The following ADAM23 variants were observed in gnomAD, a reference collection of about 807,000 sequenced individuals.
The protein encoded by ADAM23 is ADAM metallopeptidase domain 23, also known as disintegrin and metalloproteinase domain-containing protein 23.
ADAM23 carries 33 observed loss-of-function variants against 120.1 expected under a neutral mutation model. That is an observed-to-expected ratio of 0.27 (90% CI 0.21 to 0.37). The LOEUF is 0.37. ADAM23 is among the 10% of genes least tolerant of loss of function. The pLI is 1.00. For synonymous variants in ADAM23, 367 were observed against 375.2 expected (o/e 0.98, Z 0.25); for missense variants, 862 against 1,058.2 (o/e 0.81, Z 2.57).
At position 206,503,412 on chromosome 2, in the gene ADAM23, T is replaced by C. The variant is rs145136373; in HGVS notation, c.509+22104T>C. Among the ~76,000 whole-genome samples, 33 of 152,258 alleles carry C rather than the reference T, an allele frequency of 2.2e-4. No homozygotes were observed. In the East Asian group the frequency reaches 6.2e-3, roughly 28 times the overall value. On this transcript the variant is annotated intron_variant, in intron 3 of 25. Coordinates refer to ENST00000264377, the MANE Select transcript of ADAM23 (RefSeq NM_003812.4). ...AAAAAGAAATACATTGCTTATCAGC[T>C]CCTAAAACTAGGCCTGACACAAGGT...
chr2:206,484,993 G>A (rs1321198135), intron 3 of ADAM23, among the ~76,000 whole-genome samples: 1 of 152,116 alleles, frequency 6.6e-6, no homozygotes, highest in Non-Finnish European at 1.5e-5. Context: ...TAATTATAAG[G>A]CATCCCCAGC....
rs568990339 is a variant in ADAM23 at position 206,477,334 on chromosome 2, G to A, written c.433-3898G>A. Among the ~76,000 whole-genome samples the A allele has an allele frequency of 5.9e-5, 9 of 152,258 alleles. No individual in the cohort carries two copies. In the East Asian group the frequency reaches 9.6e-4, roughly 16 times the overall value. ...TTTGTGTATATAATTGAGTTTAATT[G>A]TTTTTCTTTTCAGAGCTCCTGTAAT... On this transcript the variant is annotated intron_variant, in intron 2 of 25. Transcript: ENST00000264377.
intron 2 of ADAM23, among the ~76,000 whole-genome samples, chr2:206,458,174 T>G (rs139001108): frequency 0.035 from 2,840 of 81,308 alleles, 33 homozygotes; most frequent in Middle Eastern, 0.063. Context: ...TTACCAACTA[T>G]CTGGAACTGG....
intron 3 of ADAM23, among the ~76,000 whole-genome samples, chr2:206,524,988 G>A (rs998571328): frequency 2.0e-5 from 3 of 152,160 alleles, no homozygotes; most frequent in African/African-American, 4.8e-5. Context: ...AGAACTCGAT[G>A]TGTATACCTT....
chr2:206,469,182 A>G (rs897602842), intron 2 of ADAM23, among the ~76,000 whole-genome samples: 4 of 152,200 alleles, frequency 2.6e-5, no homozygotes, highest in South Asian at 2.1e-4. Context: ...TATTCTTTAT[A>G]TCTAACTGCC....
chr2:206,473,212 T>C lies in ADAM23; in HGVS notation c.433-8020T>C, dbSNP rs79273009. Among the ~76,000 whole-genome samples the C allele has an allele frequency of 7.9e-5, 12 of 152,322 alleles. No individual in the cohort carries two copies. In the East Asian group the frequency reaches 2.1e-3, roughly 27 times the overall value. ...ACTTTAAAAGCATGTTTCTTAAGCA[T>C]TTATTTGTTAGCAAATACTTATTAA... On this transcript the variant is annotated intron_variant, in intron 2 of 25. Transcript: ENST00000264377.
intron 3 of ADAM23, among the ~76,000 whole-genome samples, chr2:206,514,935 G>C (rs577893509): frequency 6.6e-6 from 1 of 152,262 alleles, no homozygotes; most frequent in South Asian, 2.1e-4. Flanking sequence ...TAATAGACTA[G>C]AGTACAGTAT....
intron 3 of ADAM23, among the ~76,000 whole-genome samples, chr2:206,502,787 A>G (rs946168789): frequency 3.3e-5 from 5 of 152,146 alleles, no homozygotes; most frequent in African/African-American, 9.6e-5. Flanking sequence ...TGGACATGTA[A>G]TTTTATTTAC....
At chr2:206,533,637 C>T (rs1451232345) in intron 4 of ADAM23, among the ~76,000 whole-genome samples, 1 of 152,230 alleles carries the variant, frequency 6.6e-6, no homozygotes, top group African/African-American at 2.4e-5. Flanking sequence ...ATATTGACAG[C>T]ATCCCAGGAA....
chr2:206,452,370 A>G (rs928903369), intron 2 of ADAM23, among the ~76,000 whole-genome samples: 1 of 152,252 alleles, frequency 6.6e-6, no homozygotes, highest in Non-Finnish European at 1.5e-5. Flanking sequence ...TTGCTTCAGC[A>G]TGTGTCCCTA....
intron 2 of ADAM23, among the ~76,000 whole-genome samples, chr2:206,462,609 C>T (rs756595664): frequency 2.0e-4 from 31 of 152,104 alleles, no homozygotes; most frequent in Non-Finnish European, 3.7e-4. Context: ...TTGTCTTCTG[C>T]CCCTGGGGAG....
At chr2:206,522,766 A>G (rs939708968) in intron 3 of ADAM23, among the ~76,000 whole-genome samples, 2 of 151,646 alleles carry the variant, frequency 1.3e-5, no homozygotes, top group Non-Finnish European at 2.9e-5. Context: ...TGCAGAAGAT[A>G]GGCCTTTTTT....
At chr2:206,506,657 T>C (rs988925483) in intron 3 of ADAM23, among the ~76,000 whole-genome samples, 2 of 152,246 alleles carry the variant, frequency 1.3e-5, no homozygotes, top group Admixed American at 1.3e-4. Context: ...TACCTTCATT[T>C]GGATTTTACC....
intron 22 of ADAM23, among the ~76,000 whole-genome samples, chr2:206,594,001 A>G (rs1698472829): frequency 6.6e-6 from 1 of 151,504 alleles, no homozygotes; most frequent in African/African-American, 2.4e-5. Flanking sequence ...ATACGTTTAG[A>G]TAGGCAAGTA....
chr2:206,591,368 T>C (rs1438995393), intron 21 of ADAM23, among the ~76,000 whole-genome samples: 1 of 152,252 alleles, frequency 6.6e-6, no homozygotes, highest in Non-Finnish European at 1.5e-5. Flanking sequence ...TTTAGAGTTT[T>C]ACTGCCTGTT....
At chr2:206,559,846 C>G in intron 10 of ADAM23, 109 bp from the exon 11 acceptor site, 1 of 887,376 alleles carries the variant, frequency 1.1e-6, no homozygotes, top group Non-Finnish European at 1.7e-6. Context: ...ATTATGACCC[C>G]GTGTTCTCTC....
chr2:206,552,954 C>T (rs1697563075), intron 9 of ADAM23, among the ~76,000 whole-genome samples: 1 of 152,166 alleles, frequency 6.6e-6, no homozygotes, highest in Non-Finnish European at 1.5e-5. Context: ...TGGCGTGAAC[C>T]ACCATGCCTG....
intron 6 of ADAM23, among the ~76,000 whole-genome samples, chr2:206,546,791 T>A (rs1697407518): frequency 1.3e-5 from 2 of 152,166 alleles, no homozygotes; most frequent in Admixed American, 1.3e-4. Context: ...AGGACTAAAT[T>A]AAATAATGTG....
intron 18 of ADAM23, 86 bp from the exon 19 acceptor site, chr2:206,587,239 C>T: frequency 1.1e-6 from 1 of 906,028 alleles, no homozygotes; most frequent in Non-Finnish European, 1.7e-6. Flanking sequence ...TATATATATC[C>T]ACCATGCTTG....
Sources: gnomAD v4.1 joint callset for allele counts (sites outside exome capture counted in the v4.1 genomes callset) on GRCh38, gnomAD v4.1.1 for gene constraint, MANE v1.5 for transcripts, NCBI Gene and HGNC (gene_info 2026-07-23, HGNC 2026-07-21) for gene names.